DPP6: variants seen among roughly 807,000 people sequenced by gnomAD.
The protein encoded by DPP6 is A-type potassium channel modulatory protein DPP6.
A neutral mutation model predicts 122.6 loss-of-function variants in DPP6; 69 were observed. The observed-to-expected ratio is 0.56, with a 90% CI of 0.46 to 0.69. DPP6 has a LOEUF of 0.69. Ranked by LOEUF, DPP6 falls within the 30% of genes least tolerant of loss-of-function variation. The pLI is 0.00. For missense variants in DPP6, 928 were observed against 1,116.9 expected (o/e 0.83, Z 2.41); for synonymous variants, 418 against 433.1 (o/e 0.97, Z 0.43).
intron 1 of DPP6, among the ~76,000 whole-genome samples, chr7:153,989,590 G>C (rs1444213151): frequency 6.6e-6 from 1 of 151,952 alleles, no homozygotes; most frequent in African/African-American, 2.4e-5. Flanking sequence ...CCCCAGCTGC[G>C]GTCCAGGGAG....
At chr7:154,705,275 G>C (rs1840764584) in intron 7 of DPP6, among the ~76,000 whole-genome samples, 1 of 152,212 alleles carries the variant, frequency 6.6e-6, no homozygotes. Context: ...GGGATGATCA[G>C]AAGTGGGTTT....
the DPP6 span, among the ~76,000 whole-genome samples, chr7:153,808,433 G>T: frequency 6.6e-6 from 1 of 151,810 alleles, no homozygotes; most frequent in African/African-American, 2.4e-5. Flanking sequence ...GTGTGTGACT[G>T]TGTGTGTGCG....
At chr7:154,205,750 C>A (rs1196040987) in intron 1 of DPP6, among the ~76,000 whole-genome samples, 1 of 147,838 alleles carries the variant, frequency 6.8e-6, no homozygotes. Flanking sequence ...CTTTTTAATT[C>A]CACCAAACCT....
At chr7:154,686,563 G>T (rs1306836466) in intron 7 of DPP6, among the ~76,000 whole-genome samples, 2 of 152,068 alleles carry the variant, frequency 1.3e-5, no homozygotes, top group African/African-American at 4.8e-5. Flanking sequence ...TAAAATCTTT[G>T]CAGGTTCCAT....
At chr7:154,645,203 C>G (rs1836380916) in intron 6 of DPP6, among the ~76,000 whole-genome samples, 1 of 151,730 alleles carries the variant, frequency 6.6e-6, no homozygotes, top group Admixed American at 6.6e-5. Flanking sequence ...GTAGCTGGGA[C>G]TACAGGCGCC....
intron 1 of DPP6, among the ~76,000 whole-genome samples, chr7:154,123,583 G>C (rs1232560650): frequency 6.6e-6 from 1 of 152,176 alleles, no homozygotes; most frequent in Non-Finnish European, 1.5e-5. Flanking sequence ...TTAGACTGGA[G>C]AGTGACCCGT....
chr7:153,848,486 T>C, the DPP6 span, among the ~76,000 whole-genome samples: 1 of 152,158 alleles, frequency 6.6e-6, no homozygotes, highest in Non-Finnish European at 1.5e-5. Context: ...CTATCTATAA[T>C]TTTTCCCACC....
chr7:154,836,398 T>G (rs1408977924), intron 16 of DPP6, among the ~76,000 whole-genome samples: 2 of 152,228 alleles, frequency 1.3e-5, no homozygotes, highest in African/African-American at 4.8e-5. Context: ...GTGTGCAGTT[T>G]GGAGGCTGGT....
At chr7:154,765,670 T>C (rs1795848532) in intron 8 of DPP6, among the ~76,000 whole-genome samples, 4 of 152,206 alleles carry the variant, frequency 2.6e-5, no homozygotes, top group Non-Finnish European at 5.9e-5. Context: ...TTTTGCCATC[T>C]TCAAGAGAGA....
At chr7:154,726,801 T>C (rs762723792) in intron 7 of DPP6, among the ~76,000 whole-genome samples, 6 of 152,250 alleles carry the variant, frequency 3.9e-5, no homozygotes, top group Non-Finnish European at 8.8e-5. Flanking sequence ...GCTTCCCTTT[T>C]TAAATATAAA....
At chr7:153,995,382 C>T (rs1157974714) in intron 1 of DPP6, among the ~76,000 whole-genome samples, 11 of 151,952 alleles carry the variant, frequency 7.2e-5, no homozygotes, top group African/African-American at 2.7e-4. Flanking sequence ...GTCAGGAGGT[C>T]GAGACCATCC....
At chr7:153,944,222 C>T (rs534027270) in intron 1 of DPP6, among the ~76,000 whole-genome samples, 9 of 152,226 alleles carry the variant, frequency 5.9e-5, no homozygotes, top group Non-Finnish European at 8.8e-5. Context: ...GTGTGTGCTC[C>T]GGCCCACCCT....
chr7:154,700,039 T>G (rs893545662), intron 7 of DPP6, among the ~76,000 whole-genome samples: 2 of 152,212 alleles, frequency 1.3e-5, no homozygotes, highest in African/African-American at 4.8e-5. Flanking sequence ...TAATAATGCC[T>G]ATTTCATAGA....
intron 4 of DPP6, among the ~76,000 whole-genome samples, chr7:154,559,913 A>T (rs915640612): frequency 1.6e-4 from 13 of 83,188 alleles, no homozygotes; most frequent in African/African-American, 6.3e-4. Context: ...CTCTTAAAAA[A>T]AATAATATAT....
chr7:153,827,617 G>A, the DPP6 span, among the ~76,000 whole-genome samples: 1 of 152,060 alleles, frequency 6.6e-6, no homozygotes, highest in African/African-American at 2.4e-5. Flanking sequence ...TCTTGCCAAA[G>A]ACCAAGGAAT....
At chr7:153,898,674 G>A (rs538979543) in intron 1 of DPP6, among the ~76,000 whole-genome samples, 2 of 152,328 alleles carry the variant, frequency 1.3e-5, no homozygotes, top group South Asian at 4.1e-4. Context: ...GCTAGTCACT[G>A]GACATGGGAG....
At chr7:153,909,339 C>A (rs1799976918) in intron 1 of DPP6, among the ~76,000 whole-genome samples, 1 of 152,092 alleles carries the variant, frequency 6.6e-6, no homozygotes, top group Non-Finnish European at 1.5e-5. Flanking sequence ...TAGAGCAGAG[C>A]CACGCCCTTC....
chr7:154,760,980 G>C lies in DPP6; in HGVS notation c.884-8437G>C, dbSNP rs371482022. Among the ~76,000 whole-genome samples the C allele has an allele frequency of 7.7e-4, 117 of 151,964 alleles. 1 individual carries two copies. The highest frequency in any genetic ancestry group is 2.8e-3 in the African/African-American group (115 of 41,432). On this transcript the variant is annotated intron_variant, in intron 8 of 25. Transcript: ENST00000377770. The surrounding 1 kb of genome is among the most constrained non-coding windows in gnomAD (Gnocchi z 4.5). ...CTCCCGGATAGCTGGGACTACAGGC[G>C]CCTGCCACCATGCCCGGCTAATTTT...
the DPP6 span, among the ~76,000 whole-genome samples, chr7:153,852,070 G>A: frequency 6.6e-6 from 1 of 152,098 alleles, no homozygotes; most frequent in Non-Finnish European, 1.5e-5. Context: ...AGCCTTTGGA[G>A]TTTGTTATTT....
Sources: gnomAD v4.1 joint callset for allele counts (sites outside exome capture counted in the v4.1 genomes callset) on GRCh38, gnomAD v4.1.1 for gene constraint, Gnocchi (gnomAD v3.1) non-coding constraint, MANE v1.5 for transcripts, NCBI Gene and HGNC (gene_info 2026-07-23, HGNC 2026-07-21) for gene names.